The following PROM1 variants were observed in gnomAD, a reference collection of about 807,000 sequenced individuals.
PROM1 encodes the protein prominin 1, also known as prominin-1.
Under a neutral mutation model 116.9 loss-of-function variants are expected in PROM1, and 105 were observed. That is an observed-to-expected ratio of 0.90 (90% CI 0.77 to 1.06). The LOEUF is 1.06. Ranked by LOEUF, PROM1 falls within the 50% of genes least tolerant of loss-of-function variation. The pLI is 0.00. For missense variants in PROM1, 1,122 were observed against 1,045.2 expected (o/e 1.07, Z -1.01); for synonymous variants, 393 against 387.0 (o/e 1.02, Z -0.18).
Position 16,024,319 on chromosome 4 carries a change from C to T in PROM1, c.670G>A (p.Asp224Asn). 1 of 1,613,680 alleles carries T rather than the reference C, an allele frequency of 6.2e-7. No individual in the cohort carries two copies. Among genetic ancestry groups the T allele is most frequent in the Non-Finnish European group, 8.5e-7 (1 of 1,179,750 alleles). The part of the protein sequence containing the change: ...YILAQYNTTK[D>N]KAFTDLNSIN... The stretch of plus-strand genomic sequence containing the variant: ...CTGTTCAGATCTGTGAACGCCTTGT[C>T]CTTGGTAGTGTTGTACTGGGCCAAT... Residue 224 changes from aspartate (D) to asparagine (N), a missense_variant, in exon 7 of 28, where the codon GAC (aspartate) becomes AAC (asparagine). By Grantham distance (23) the Asp-to-Asn change is conservative. Coordinates refer to ENST00000447510, the MANE Select transcript of PROM1 (RefSeq NM_006017.3).
intron 11 of PROM1, 106 bp from the exon 12 acceptor site, chr4:16,009,214 G>A (rs1726272669): frequency 1.1e-6 from 1 of 885,358 alleles, no homozygotes; most frequent in East Asian, 2.6e-5. Flanking sequence ...TTTTTCTCAT[G>A]TCATGTATGT....
intron 2 of PROM1, among the ~76,000 whole-genome samples, chr4:16,050,376 C>T (rs1560573945): frequency 6.6e-6 from 1 of 152,108 alleles, no homozygotes; most frequent in Non-Finnish European, 1.5e-5. Flanking sequence ...TTCTTTGAGA[C>T]AGGGTCTCAG....
intron 3 of PROM1, chr4:16,038,142 T>A (rs1734347238): frequency 6.6e-6 from 1 of 152,248 alleles, no homozygotes; most frequent in Non-Finnish European, 1.5e-5. Flanking sequence ...CTATCTGTCT[T>A]CTAGCCTCTT....
chr4:16,005,695 C>T (rs1725298782), intron 13 of PROM1, among the ~76,000 whole-genome samples: 1 of 152,146 alleles, frequency 6.6e-6, no homozygotes. Context: ...CTTCACTCCC[C>T]AAAGGAATTG....
intron 13 of PROM1, among the ~76,000 whole-genome samples, chr4:16,001,618 C>T (rs1308798258): frequency 6.6e-6 from 1 of 152,158 alleles, no homozygotes; most frequent in Non-Finnish European, 1.5e-5. Flanking sequence ...GAATGGTCGG[C>T]TGTCACCAAC....
chr4:15,999,003 T>C (rs1723018671), intron 14 of PROM1, among the ~76,000 whole-genome samples: 1 of 151,870 alleles, frequency 6.6e-6, no homozygotes, highest in African/African-American at 2.4e-5. Flanking sequence ...GTGCTGGGAT[T>C]ACAGGCGTGA....
chr4:16,018,639 T>G (rs1729037850), intron 8 of PROM1, 99 bp from the exon 9 acceptor site: 3 of 1,054,782 alleles, frequency 2.8e-6, no homozygotes, highest in African/African-American at 3.2e-5. Flanking sequence ...TAAATGACTT[T>G]AGATGGCAGT....
chr4:15,987,224 A>G (rs1719656394), intron 20 of PROM1, among the ~76,000 whole-genome samples: 1 of 152,192 alleles, frequency 6.6e-6, no homozygotes, highest in Admixed American at 6.5e-5. Flanking sequence ...CCTGTCCTCC[A>G]CTATGAGGAC....
intron 2 of PROM1, among the ~76,000 whole-genome samples, chr4:16,070,263 A>G (rs529591799): frequency 6.6e-6 from 1 of 152,156 alleles, no homozygotes. Context: ...GACTTATTTC[A>G]TCTCAAATCC....
chr4:16,019,304 G>A (rs1403479320), intron 8 of PROM1, among the ~76,000 whole-genome samples: 1 of 152,138 alleles, frequency 6.6e-6, no homozygotes, highest in African/African-American at 2.4e-5. Flanking sequence ...AGTTAAAATC[G>A]TACTTCAAAT....
At chr4:16,004,919 C>T (rs1724963136) in intron 13 of PROM1, among the ~76,000 whole-genome samples, 1 of 119,456 alleles carries the variant, frequency 8.4e-6, no homozygotes. Flanking sequence ...TCCTTCCTTC[C>T]TTCCTTCCTT....
At chr4:16,069,569 C>A (rs1455539323) in intron 2 of PROM1, among the ~76,000 whole-genome samples, 3 of 152,118 alleles carry the variant, frequency 2.0e-5, no homozygotes, top group East Asian at 1.9e-4. Context: ...TAAAACTAGT[C>A]CTAGAGATGG....
At chr4:16,001,218 G>C (rs143277291) in intron 13 of PROM1, among the ~76,000 whole-genome samples, 46 of 152,282 alleles carry the variant, frequency 3.0e-4, no homozygotes, top group South Asian at 1.2e-3. Context: ...CGCTGAACAC[G>C]AGAGGTAGAG....
chr4:16,041,380 T>C (rs1036733365), intron 2 of PROM1, among the ~76,000 whole-genome samples: 11 of 152,238 alleles, frequency 7.2e-5, no homozygotes, highest in African/African-American at 2.7e-4. Flanking sequence ...CATAAAGCTC[T>C]TTCATATACA....
chr4:16,077,791 C>T (rs1744263838), intron 1 of PROM1, among the ~76,000 whole-genome samples: 1 of 152,188 alleles, frequency 6.6e-6, no homozygotes, highest in Admixed American at 6.5e-5. Flanking sequence ...ATGCTTATTT[C>T]TTCTCCAAGT....
intron 7 of PROM1, among the ~76,000 whole-genome samples, chr4:16,024,080 A>G (rs769734017): frequency 2.6e-5 from 4 of 152,246 alleles, no homozygotes; most frequent in Non-Finnish European, 5.9e-5. Flanking sequence ...GTGTAAAATG[A>G]AAAAACAAAA....
Position 16,023,361 on chromosome 4 carries a change from A to G in PROM1, c.749T>C (p.Ile250Thr), listed in dbSNP as rs1393038829. ...GGACTTAATCTCATCAAGAACAGGG[A>G]TGATGTTGGGTCTCAGTCGGTCAAG... Reference protein sequence around the residue: ...GILDRLRPNIIPVLDEIKSMA... With the variant: ...GILDRLRPNITPVLDEIKSMA... The change falls in exon 8 of 28, where the codon ATC (isoleucine) becomes ACC (threonine). Residue 250 changes from isoleucine (I) to threonine (T), a missense_variant. Ile to Thr is a moderately conservative substitution (Grantham distance 89, BLOSUM62 -1). Coordinates refer to ENST00000447510, the MANE Select transcript of PROM1 (RefSeq NM_006017.3). 7 of 1,607,792 alleles carry G rather than the reference A, an allele frequency of 4.4e-6. No homozygotes were observed. The African/African-American group carries it at 6.7e-5, about 15-fold the overall frequency.
At chr4:16,013,946 G>C (rs1295628151) in intron 10 of PROM1, among the ~76,000 whole-genome samples, 4 of 150,336 alleles carry the variant, frequency 2.7e-5, no homozygotes, top group Admixed American at 6.6e-5. Context: ...TAGTCTAAAC[G>C]AAAAAAAAAA....
intron 5 of PROM1, among the ~76,000 whole-genome samples, chr4:16,026,634 C>T (rs1731372638): frequency 6.6e-6 from 1 of 152,152 alleles, no homozygotes; most frequent in Admixed American, 6.5e-5. Flanking sequence ...TCCCATGTCC[C>T]ATTTCTCCAT....
Sources: gnomAD v4.1 joint callset for allele counts (sites outside exome capture counted in the v4.1 genomes callset) on GRCh38, gnomAD v4.1.1 for gene constraint, MANE v1.5 for transcripts, NCBI Gene and HGNC (gene_info 2026-07-23, HGNC 2026-07-21) for gene names.